Variants in FGF14 observed in about 807,000 individuals in gnomAD.
The protein encoded by FGF14 is fibroblast growth factor homologous factor 4.
A neutral mutation model predicts 25.5 loss-of-function variants in FGF14; 5 were observed. The observed-to-expected ratio is 0.20, with a 90% CI of 0.10 to 0.41. FGF14 has a LOEUF of 0.41. Among genes scored for constraint, FGF14 ranks in the 10% least tolerant of loss-of-function variants. The pLI, the probability that FGF14 is intolerant of heterozygous loss-of-function variation, is 1.00. For missense variants in FGF14, 222 were observed against 320.1 expected, an observed-to-expected ratio of 0.69 and a Z score of 2.34; for synonymous variants, 138 against 118.3, an observed-to-expected ratio of 1.17 and a Z score of -1.08.
chr13:101,769,270 T>G (rs2038607332), intron 3 of FGF14, among the ~76,000 whole-genome samples: 1 of 152,052 alleles, frequency 6.6e-6, no homozygotes, highest in African/African-American at 2.4e-5. Context: ...CTATTTGGAA[T>G]GCTCAAATCC....
intron 3 of FGF14, among the ~76,000 whole-genome samples, chr13:101,762,364 G>A (rs1355232028): frequency 2.0e-5 from 3 of 152,034 alleles, no homozygotes; most frequent in African/African-American, 4.8e-5. Flanking sequence ...CCCAACCTTC[G>A]GACCGAGTTT....
intron 1 of FGF14, among the ~76,000 whole-genome samples, chr13:102,125,308 ATTAT>A (rs1459270684): frequency 3.3e-5 from 5 of 152,322 alleles, no homozygotes; most frequent in African/African-American, 4.8e-5. Flanking sequence ...ATGCATTTAT[ATTAT>A]TTAAAAATAC....
intron 1 of FGF14, among the ~76,000 whole-genome samples, chr13:102,017,548 T>G (rs1251274158): frequency 1.3e-5 from 2 of 152,108 alleles, no homozygotes; most frequent in Non-Finnish European, 2.9e-5. Flanking sequence ...TTATTTTCTC[T>G]TTATCATTAG....
intron 1 of FGF14, among the ~76,000 whole-genome samples, chr13:102,025,021 A>T (rs576613309): frequency 2.0e-5 from 3 of 151,288 alleles, no homozygotes; most frequent in African/African-American, 4.8e-5. Flanking sequence ...ACATGCATAT[A>T]TATATATTCA....
At chr13:102,152,275 T>C (rs1412203405) in intron 1 of FGF14, among the ~76,000 whole-genome samples, 1 of 152,212 alleles carries the variant, frequency 6.6e-6, no homozygotes, top group Non-Finnish European at 1.5e-5. Flanking sequence ...CTGGTCATGT[T>C]AGTTTGCTAG....
intron 1 of FGF14, among the ~76,000 whole-genome samples, chr13:102,183,789 C>T (rs1053957226): frequency 1.3e-5 from 2 of 152,142 alleles, no homozygotes; most frequent in African/African-American, 4.8e-5. Context: ...GATTCAAGCC[C>T]TCTCTCCTTA....
rs2034966841 is a variant in FGF14, at chr13:101,721,324, T to C, written c.*1507A>G. 6.6e-6 allele frequency: 1 copy of C among 152,172 alleles called. No homozygotes were observed. The highest frequency in any genetic ancestry group is 1.5e-5 in the Non-Finnish European group (1 of 68,022). The allele number at this position is 152,172 out of a possible 1,614,324, so 9.4% of individuals were successfully genotyped here. A position where few individuals can be genotyped will look rare whatever the true frequency, so the allele number is the denominator to read the frequency against. ...AACTGTTCCTGGCCTTTCTTGGTAG[T>C]TGTCTTCCCTAAGCTCAAACAAACA... On this transcript the variant is annotated 3_prime_UTR_variant, in exon 5 of 5. Transcript: ENST00000376143.
chr13:102,181,993 G>A (rs561550046), intron 1 of FGF14, among the ~76,000 whole-genome samples: 6 of 152,084 alleles, frequency 3.9e-5, no homozygotes, highest in African/African-American at 9.7e-5. Flanking sequence ...CTGTGAAAAC[G>A]TTTTTAAATA....
At chr13:102,219,215 G>A (rs535350735) in intron 1 of FGF14, among the ~76,000 whole-genome samples, 1 of 152,246 alleles carries the variant, frequency 6.6e-6, no homozygotes, top group South Asian at 2.1e-4. Context: ...CAGCTACACT[G>A]GTTGGATAAA....
intron 3 of FGF14, among the ~76,000 whole-genome samples, chr13:101,747,345 GAT>G (rs1477973717): frequency 6.6e-6 from 1 of 152,006 alleles, no homozygotes; most frequent in East Asian, 1.9e-4. Flanking sequence ...CAGTGAAAAA[GAT>G]ATAATTTCCT....
chr13:101,912,653 G>T (rs1001413670), intron 1 of FGF14, among the ~76,000 whole-genome samples: 1 of 151,964 alleles, frequency 6.6e-6, no homozygotes, highest in Non-Finnish European at 1.5e-5. Context: ...TTAAAATGAG[G>T]TTGTTTATGT....
chr13:102,316,192 C>T (rs956919253), intron 1 of FGF14, among the ~76,000 whole-genome samples: 1 of 152,152 alleles, frequency 6.6e-6, no homozygotes, highest in Non-Finnish European at 1.5e-5. Flanking sequence ...ATTTAACTTT[C>T]TCAAATCCTA....
chr13:101,740,589 G>A (rs1433034141), intron 3 of FGF14, among the ~76,000 whole-genome samples: 2 of 152,108 alleles, frequency 1.3e-5, no homozygotes, highest in African/African-American at 4.8e-5. Context: ...TTTCTAGCCT[G>A]TGGAACTGGA....
chr13:101,740,734 C>T (rs1224420999), intron 3 of FGF14, among the ~76,000 whole-genome samples: 1 of 151,674 alleles, frequency 6.6e-6, no homozygotes, highest in East Asian at 1.9e-4. Context: ...AATATCATTT[C>T]AAATATCTAT....
rs187153630 is a variant in FGF14 at position 102,155,008 on chromosome 13, T to C, written c.208+246463A>G. 4.8e-3 allele frequency among the ~76,000 whole-genome samples: 725 copies of C among 152,294 alleles called. 9 individuals carry two copies. Among genetic ancestry groups the C allele is most frequent in the African/African-American group, 0.016 (648 of 41,566 alleles). On this transcript the variant is annotated intron_variant, in intron 1 of 4. Coordinates refer to the FGF14 transcript ENST00000376131. ...CCAAATACAGGAGCATACAGATTCA[T>C]AAAGCCAGTCCTTAGAGACCTATAA... is the stretch of plus-strand genomic sequence containing the variant.
chr13:102,241,666 A>T (rs1566853629), intron 1 of FGF14, among the ~76,000 whole-genome samples: 1 of 152,088 alleles, frequency 6.6e-6, no homozygotes, highest in Non-Finnish European at 1.5e-5. Flanking sequence ...TTCCATTATT[A>T]AAAAACCCTT....
intron 3 of FGF14, among the ~76,000 whole-genome samples, chr13:101,836,910 G>A (rs1020580843): frequency 2.6e-5 from 4 of 151,946 alleles, no homozygotes; most frequent in South Asian, 4.1e-4. Context: ...AATAGTTCAT[G>A]TTTATAGAGC....
intron 3 of FGF14, among the ~76,000 whole-genome samples, chr13:101,760,172 T>C (rs564769486): frequency 2.4e-4 from 37 of 152,168 alleles, no homozygotes; most frequent in Non-Finnish European, 4.9e-4. Flanking sequence ...CAAACCTGAG[T>C]GAAATATGAA....
chr13:102,152,558 G>C (rs945237939), intron 1 of FGF14, among the ~76,000 whole-genome samples: 2 of 152,134 alleles, frequency 1.3e-5, no homozygotes, highest in Non-Finnish European at 2.9e-5. Flanking sequence ...GAATACAGTT[G>C]CATTTTGGAG....
Sources: allele counts gnomAD v4.1 joint callset (sites outside exome capture counted in the v4.1 genomes callset), GRCh38; gene constraint gnomAD v4.1.1; transcripts MANE v1.5; gene names NCBI Gene and HGNC (gene_info 2026-07-23, HGNC 2026-07-21).